NRXN1: variants seen among roughly 807,000 people sequenced by gnomAD.
NRXN1 encodes neurexin 1, also known as neurexin-1.
NRXN1 carries 39 observed loss-of-function variants against 150.9 expected under a neutral mutation model. That is an observed-to-expected ratio of 0.26 (90% CI 0.20 to 0.34). NRXN1 has a LOEUF of 0.34. NRXN1 is among the 10% of genes least tolerant of loss of function. The probability of loss-of-function intolerance (pLI) is 1.00; values close to 1 mark genes in which losing one functional copy is unlikely to be tolerated. For synonymous variants in NRXN1, 924 were observed against 757.0 expected, an observed-to-expected ratio of 1.22 and a Z score of -3.62; for missense variants, 1,815 against 1,949.9, an observed-to-expected ratio of 0.93 and a Z score of 1.30.
intron 18 of NRXN1, among the ~76,000 whole-genome samples, chr2:50,223,359 T>C (rs2064065575): frequency 1.3e-5 from 2 of 151,986 alleles, no homozygotes; most frequent in African/African-American, 2.4e-5. Context: ...ACTGCATTTA[T>C]CCAACACCCT....
intron 8 of NRXN1, among the ~76,000 whole-genome samples, chr2:50,553,645 C>T (rs1342092676): frequency 6.6e-6 from 1 of 152,210 alleles, no homozygotes; most frequent in Non-Finnish European, 1.5e-5. Context: ...CCTTTGAATA[C>T]TGTTAAGTAA....
intron 21 of NRXN1, among the ~76,000 whole-genome samples, chr2:50,011,342 C>A (rs6710767): frequency 0.47 from 71,198 of 151,972 alleles, 17,286 homozygotes; most frequent in Middle Eastern, 0.61. Flanking sequence ...GTACAAGGAA[C>A]TGTTTTAATG....
intron 18 of NRXN1, among the ~76,000 whole-genome samples, chr2:50,180,442 C>T (rs1388412646): frequency 6.6e-6 from 1 of 152,096 alleles, no homozygotes; most frequent in Non-Finnish European, 1.5e-5. Flanking sequence ...ATGTGTCCCC[C>T]AGAATATGTG....
chr2:50,357,276 T>C (rs1357290168), intron 17 of NRXN1, among the ~76,000 whole-genome samples: 1 of 151,516 alleles, frequency 6.6e-6, no homozygotes, highest in Non-Finnish European at 1.5e-5. Flanking sequence ...CATAAACAAA[T>C]AAATAATACA....
intron 2 of NRXN1, among the ~76,000 whole-genome samples, chr2:50,989,923 C>T (rs1318535146): frequency 2.0e-5 from 3 of 152,042 alleles, no homozygotes; most frequent in East Asian, 3.9e-4. Context: ...TATCATTTCT[C>T]ATTCACACCA....
At chr2:50,707,465 T>C (rs965696570) in intron 5 of NRXN1, among the ~76,000 whole-genome samples, 1 of 152,188 alleles carries the variant, frequency 6.6e-6, no homozygotes, top group Non-Finnish European at 1.5e-5. Context: ...CTGATACCCA[T>C]TTCAACTTCC....
intron 2 of NRXN1, among the ~76,000 whole-genome samples, chr2:51,007,812 C>T (rs971583433): frequency 6.6e-6 from 1 of 151,794 alleles, no homozygotes; most frequent in African/African-American, 2.4e-5. Context: ...CTGGAATATT[C>T]CCTTCATTTC....
At chr2:50,785,390 A>G (rs1215464956) in intron 5 of NRXN1, among the ~76,000 whole-genome samples, 1 of 151,780 alleles carries the variant, frequency 6.6e-6, no homozygotes, top group Non-Finnish European at 1.5e-5. Context: ...CTGGGACTAC[A>G]GGCACCTGCC....
intron 8 of NRXN1, among the ~76,000 whole-genome samples, chr2:50,605,604 C>T (rs1015166745): frequency 3.3e-5 from 5 of 152,062 alleles, no homozygotes; most frequent in African/African-American, 9.7e-5. Flanking sequence ...GCCTGTTAGG[C>T]TGGCTATTAT....
intron 18 of NRXN1, among the ~76,000 whole-genome samples, chr2:50,210,904 A>G (rs2062968610): frequency 6.6e-6 from 1 of 151,696 alleles, no homozygotes; most frequent in South Asian, 2.1e-4. Flanking sequence ...TAAGACTTGC[A>G]CTTTGCTCAA....
chr2:50,480,955 A>G (rs1346482179), intron 15 of NRXN1, among the ~76,000 whole-genome samples: 2 of 152,206 alleles, frequency 1.3e-5, no homozygotes, highest in Admixed American at 6.5e-5. Flanking sequence ...ATAATAACTG[A>G]CATGAGTTAA....
chr2:49,947,514 C>CTTT (rs199991365), intron 21 of NRXN1, among the ~76,000 whole-genome samples: 35 of 109,002 alleles, frequency 3.2e-4, no homozygotes, highest in Non-Finnish European at 3.6e-4. Context: ...TTTTTTTTTT[C>CTTT]TTTTTTTTTT....
In NRXN1 at chr2:50,397,213, G is replaced by A. The variant is rs1338020561; in HGVS notation, c.3364+68229C>T. Reference sequence around the variant, plus strand: ...GTCGATGCATTTTGTAGTTAACACCGCAAAGGACATGAGAAACTTAGCCAG... The same window carrying A: ...GTCGATGCATTTTGTAGTTAACACCACAAAGGACATGAGAAACTTAGCCAG... On this transcript the variant is annotated intron_variant, in intron 17 of 22. Coordinates refer to ENST00000401669, the MANE Select transcript of NRXN1 (RefSeq NM_001330078.2). Among the ~76,000 whole-genome samples the A allele has an allele frequency of 4.6e-5, 7 of 152,112 alleles. No individual in the cohort carries two copies. The East Asian group carries it at 9.7e-4, about 21-fold the overall frequency.
chr2:50,722,030 G>T (rs1288634487), intron 5 of NRXN1, among the ~76,000 whole-genome samples: 1 of 152,002 alleles, frequency 6.6e-6, no homozygotes, highest in Non-Finnish European at 1.5e-5. Flanking sequence ...TTCTGCAGGA[G>T]GTCTCTAGGC....
At chr2:50,774,090 G>C (rs1703321430) in intron 5 of NRXN1, among the ~76,000 whole-genome samples, 1 of 152,108 alleles carries the variant, frequency 6.6e-6, no homozygotes, top group African/African-American at 2.4e-5. Flanking sequence ...CAAAAGGAAT[G>C]CTGGCAGGAG....
intron 18 of NRXN1, among the ~76,000 whole-genome samples, chr2:50,153,570 A>C (rs934747228): frequency 6.6e-6 from 1 of 151,686 alleles, no homozygotes; most frequent in Non-Finnish European, 1.5e-5. Context: ...TGAGCTATAA[A>C]TTTGAGGTCT....
chr2:50,506,632 A>C lies in NRXN1; in HGVS notation c.2375-15T>G. 1.2e-6 allele frequency: 2 copies of C among 1,612,398 alleles called. No homozygotes were observed. The highest frequency in any genetic ancestry group is 1.7e-6 in the Non-Finnish European group (2 of 1,178,908). ...GGGACCTTTGCCTGTAGAATATGCCAAACAGTCATTATGGACACTCAGAAT... is the reference window on the plus strand; with the variant it reads ...GGGACCTTTGCCTGTAGAATATGCCCAACAGTCATTATGGACACTCAGAAT... On this transcript the variant is annotated splice_polypyrimidine_tract_variant and intron_variant, in intron 12 of 22. Coordinates refer to ENST00000401669, the MANE Select transcript of NRXN1 (RefSeq NM_001330078.2).
intron 17 of NRXN1, among the ~76,000 whole-genome samples, chr2:50,322,898 G>T (rs1040702909): frequency 2.0e-5 from 3 of 152,054 alleles, no homozygotes; most frequent in Non-Finnish European, 4.4e-5. Flanking sequence ...ACTCTAAAAT[G>T]ATGATCTCTC....
chr2:50,955,025 A>G (rs943289937), intron 2 of NRXN1, among the ~76,000 whole-genome samples: 1 of 152,202 alleles, frequency 6.6e-6, no homozygotes, highest in African/African-American at 2.4e-5. Flanking sequence ...AGATAAAAAA[A>G]GGGAAAGAAG....
Sources: gnomAD v4.1 joint callset for allele counts (sites outside exome capture counted in the v4.1 genomes callset) on GRCh38, gnomAD v4.1.1 for gene constraint, MANE v1.5 for transcripts, NCBI Gene and HGNC (gene_info 2026-07-23, HGNC 2026-07-21) for gene names.